The following PLCB1 variants were observed in gnomAD, a reference collection of about 807,000 sequenced individuals.
The protein encoded by PLCB1 is phospholipase C beta 1, also known as 1-phosphatidylinositol 4,5-bisphosphate phosphodiesterase beta-1.
In PLCB1, 46 loss-of-function variants were observed where a neutral mutation model predicts 161.8. The observed-to-expected ratio is 0.28, with a 90% CI of 0.22 to 0.36. PLCB1 has a LOEUF of 0.36. PLCB1 is among the 10% of genes least tolerant of loss of function. The pLI, the probability that PLCB1 is intolerant of heterozygous loss-of-function variation, is 1.00. For missense variants in PLCB1, 1,016 were observed against 1,472.5 expected, an observed-to-expected ratio of 0.69 and a Z score of 5.07; for synonymous variants, 517 against 503.7, an observed-to-expected ratio of 1.03 and a Z score of -0.35.
chr20:8,544,333 A>G (rs1451936569), intron 3 of PLCB1, among the ~76,000 whole-genome samples: 2 of 152,210 alleles, frequency 1.3e-5, no homozygotes, highest in Non-Finnish European at 2.9e-5. Flanking sequence ...ACACTTGAGA[A>G]TATGCAGAAT....
At chr20:8,397,586 C>A (rs562962551) in intron 3 of PLCB1, among the ~76,000 whole-genome samples, 2 of 152,202 alleles carry the variant, frequency 1.3e-5, no homozygotes, top group African/African-American at 4.8e-5. Context: ...CACACACAAA[C>A]CCATACCTAG....
chr20:8,509,242 A>G (rs1983771240), intron 3 of PLCB1, among the ~76,000 whole-genome samples: 1 of 152,114 alleles, frequency 6.6e-6, no homozygotes, highest in South Asian at 2.1e-4. Flanking sequence ...ACCCCCCACA[A>G]GTTCCTTGCC....
intron 3 of PLCB1, among the ~76,000 whole-genome samples, chr20:8,385,349 T>G (rs989369518): frequency 1.3e-5 from 2 of 152,162 alleles, no homozygotes; most frequent in Non-Finnish European, 2.9e-5. Flanking sequence ...GGGAACCTCT[T>G]GGGACCAAGC....
intron 3 of PLCB1, among the ~76,000 whole-genome samples, chr20:8,565,912 A>C (rs1986318803): frequency 6.6e-6 from 1 of 152,120 alleles, no homozygotes; most frequent in South Asian, 2.1e-4. Flanking sequence ...GAGAGCAGAA[A>C]TTTACAAGAA....
intron 2 of PLCB1, among the ~76,000 whole-genome samples, chr20:8,345,331 C>T (rs11908479): frequency 0.2 from 29,907 of 152,004 alleles, 3,240 homozygotes; most frequent in East Asian, 0.38. Flanking sequence ...GGGGACAAGC[C>T]GGGGGTTTAG....
At chr20:8,142,723 AG>A (rs1252141071) in intron 1 of PLCB1, among the ~76,000 whole-genome samples, 5 of 152,254 alleles carry the variant, frequency 3.3e-5, no homozygotes, top group African/African-American at 1.2e-4. Context: ...ATTCACAAAG[AG>A]AAAAAAGAAT....
intron 2 of PLCB1, among the ~76,000 whole-genome samples, chr20:8,351,414 A>G (rs759651765): frequency 1.3e-5 from 2 of 152,120 alleles, no homozygotes; most frequent in African/African-American, 4.8e-5. Flanking sequence ...TAAATTTTGT[A>G]CAATCTTGGA....
At chr20:8,202,675 C>T (rs1418237345) in intron 2 of PLCB1, among the ~76,000 whole-genome samples, 2 of 152,114 alleles carry the variant, frequency 1.3e-5, no homozygotes, top group Non-Finnish European at 2.9e-5. Flanking sequence ...CAGTGTGTGC[C>T]AGGCAATGCA....
chr20:8,646,273 C>A, intron 5 of PLCB1, 92 bp downstream of exon 5: 1 of 841,794 alleles, frequency 1.2e-6, no homozygotes, highest in South Asian at 1.4e-5. Flanking sequence ...GCCATACTGA[C>A]TTCTCACATT....
rs141740766 is a variant in PLCB1, at chr20:8,557,846, C to G, written c.247-70448C>G. ...TCTGGAGTTACCACATAATAATATT[C>G]AAAATGTCTTGTTCTCAACAAAAAA... On this transcript the variant is annotated intron_variant, in intron 3 of 31. Coordinates refer to ENST00000338037, the MANE Select transcript of PLCB1 (RefSeq NM_015192.4). Among the ~76,000 whole-genome samples the G allele has an allele frequency of 5.2e-3, 785 of 151,874 alleles. 4 individuals carry two copies. The highest frequency in any genetic ancestry group is 0.014 in the Middle Eastern group (4 of 294).
chr20:8,246,887 C>T (rs1980904709), intron 2 of PLCB1, among the ~76,000 whole-genome samples: 1 of 151,830 alleles, frequency 6.6e-6, no homozygotes, highest in Non-Finnish European at 1.5e-5. Context: ...CTCTTTAGAG[C>T]TACCCTCATG....
intron 2 of PLCB1, among the ~76,000 whole-genome samples, chr20:8,296,281 A>G (rs1983625370): frequency 6.6e-6 from 1 of 152,168 alleles, no homozygotes; most frequent in African/African-American, 2.4e-5. Context: ...TGTGTGATCC[A>G]TCTGTCCTCT....
At chr20:8,813,774 T>G (rs539284359) in intron 31 of PLCB1, among the ~76,000 whole-genome samples, 16 of 152,266 alleles carry the variant, frequency 1.1e-4, no homozygotes, top group Middle Eastern at 3.4e-3. Context: ...CAGGCTGCAG[T>G]GAATTATGAT....
At chr20:8,878,046 A>G (rs1001310761) in intron 31 of PLCB1, among the ~76,000 whole-genome samples, 1 of 152,312 alleles carries the variant, frequency 6.6e-6, no homozygotes, top group East Asian at 1.9e-4. Flanking sequence ...GCATTGGTTT[A>G]GGTATTTGAC....
chr20:8,825,786 G>A (rs899846984), intron 31 of PLCB1, among the ~76,000 whole-genome samples: 2 of 152,204 alleles, frequency 1.3e-5, no homozygotes, highest in Non-Finnish European at 2.9e-5. Flanking sequence ...ATTAGCTAGG[G>A]ATATTATGTT....
At chr20:8,472,286 T>G (rs943594751) in intron 3 of PLCB1, among the ~76,000 whole-genome samples, 1 of 152,182 alleles carries the variant, frequency 6.6e-6, no homozygotes, top group African/African-American at 2.4e-5. Flanking sequence ...GGCCCTTTTC[T>G]TTTATTGTTA....
chr20:8,826,828 G>T (rs1202436638), intron 31 of PLCB1, among the ~76,000 whole-genome samples: 1 of 152,102 alleles, frequency 6.6e-6, no homozygotes, highest in Non-Finnish European at 1.5e-5. Flanking sequence ...TATGCTAAAT[G>T]GTTGTTACCA....
intron 31 of PLCB1, among the ~76,000 whole-genome samples, chr20:8,841,913 G>A (rs1986517624): frequency 6.6e-6 from 1 of 152,112 alleles, no homozygotes; most frequent in Non-Finnish European, 1.5e-5. Context: ...TTAGCTTTCT[G>A]CAAAACCTAG....
chr20:8,472,359 A>G (rs533158016), intron 3 of PLCB1, among the ~76,000 whole-genome samples: 1 of 152,278 alleles, frequency 6.6e-6, no homozygotes, highest in African/African-American at 2.4e-5. Context: ...GTTTTTACCA[A>G]TACCAGCCCC....
Sources: gnomAD v4.1 joint callset for allele counts (sites outside exome capture counted in the v4.1 genomes callset) on GRCh38, gnomAD v4.1.1 for gene constraint, MANE v1.5 for transcripts, NCBI Gene and HGNC (gene_info 2026-07-23, HGNC 2026-07-21) for gene names.